Variants in CDH15 observed in about 807,000 individuals in gnomAD.
CDH15 encodes cadherin-15.
In CDH15, 73 loss-of-function variants were observed where a neutral mutation model predicts 69.4. The observed-to-expected ratio is 1.05, with a 90% CI of 0.87 to 1.28. CDH15 has a LOEUF of 1.28. Among genes scored for constraint, CDH15 ranks in the 50% most tolerant of loss-of-function variants. CDH15 has a pLI of 0.00. For missense variants in CDH15, 1,343 were observed against 1,133.6 expected (o/e 1.18, Z -2.65); for synonymous variants, 624 against 507.7 (o/e 1.23, Z -3.08).
At position 89,191,818 on chromosome 16, in the gene CDH15, CG is replaced by C; in HGVS notation, c.1543del (p.Ala515ProfsTer7). On this transcript the variant is annotated frameshift_variant, in exon 10 of 14. Transcript: ENST00000289746. LOFTEE classifies it high-confidence loss of function. The part of the protein sequence containing the change: ...GATDEDLPPH[G>X]APFHFQLSPR... ...CCACGGATGAGGACCTGCCCCCCCA[CG>C]GGGCCCCCTTCCACTTCCAGCTGAG... 1 of 1,604,538 alleles carries C rather than the reference CG, an allele frequency of 6.2e-7. No individual in the cohort carries two copies.
At chr16:89,180,475 C>A in intron 3 of CDH15, 120 bp downstream of exon 3, 1 of 1,153,720 alleles carries the variant, frequency 8.7e-7, no homozygotes, top group Non-Finnish European at 1.3e-6. Flanking sequence ...ACTGCAAGAT[C>A]CAGGCACCCT....
At chr16:89,184,826 C>T (rs1915447554) in intron 4 of CDH15, among the ~76,000 whole-genome samples, 1 of 152,222 alleles carries the variant, frequency 6.6e-6, no homozygotes, top group African/African-American at 2.4e-5. Context: ...CCCTTAGCCC[C>T]TGCACTGGGC....
intron 1 of CDH15, among the ~76,000 whole-genome samples, chr16:89,173,643 A>T (rs1001250534): frequency 4.6e-5 from 7 of 152,172 alleles, no homozygotes; most frequent in African/African-American, 1.4e-4. Flanking sequence ...CAGGACTGTG[A>T]GCTCTCCTGG....
chr16:89,194,592 C>T (rs905911651), intron 13 of CDH15, among the ~76,000 whole-genome samples: 4 of 152,122 alleles, frequency 2.6e-5, no homozygotes, highest in Non-Finnish European at 4.4e-5. Context: ...GCAACCCCTT[C>T]CCACCTTGCT....
intron 1 of CDH15, among the ~76,000 whole-genome samples, chr16:89,176,013 C>A (rs1338924153): frequency 1.3e-5 from 2 of 152,232 alleles, no homozygotes; most frequent in African/African-American, 2.4e-5. Flanking sequence ...GCGAGAGGCC[C>A]CAGTGCCCCA....
chr16:89,181,427 C>G (rs1179255540), intron 3 of CDH15, among the ~76,000 whole-genome samples: 6 of 151,776 alleles, frequency 4.0e-5, no homozygotes, highest in Admixed American at 3.9e-4. Flanking sequence ...GGCTGGGCAT[C>G]AAAGTGAGGC....
chr16:89,191,851 GC>G lies in CDH15; in HGVS notation c.1573del (p.Leu525SerfsTer15). 2.5e-6 allele frequency: 4 copies of G among 1,599,266 alleles called. No individual in the cohort carries two copies. Among genetic ancestry groups the G allele is most frequent in the Non-Finnish European group, 3.4e-6 (4 of 1,177,598 alleles). On this transcript the variant is annotated frameshift_variant, in exon 10 of 14. Coordinates refer to ENST00000289746, the MANE Select transcript of CDH15 (RefSeq NM_004933.3). LOFTEE classifies it high-confidence loss of function. ...APFHFQLSPR[L>X]PELGRNWSLS... ...CCTTCCACTTCCAGCTGAGCCCCAG[GC>G]TCCCAGAGCTCGGCCGGAACTGGAG...
chr16:89,187,392 G>A, intron 5 of CDH15, 37 bp from the exon 6 acceptor site: 1 of 1,610,136 alleles, frequency 6.2e-7, no homozygotes, highest in Non-Finnish European at 8.5e-7. Flanking sequence ...GCCCCACCTG[G>A]GCCCTCATCT....
intron 1 of CDH15, among the ~76,000 whole-genome samples, chr16:89,175,993 C>T (rs1915248038): frequency 6.6e-6 from 1 of 152,376 alleles, no homozygotes; most frequent in Non-Finnish European, 1.5e-5. Context: ...GGGCACAGGA[C>T]ACAGTCAGAG....
At chr16:89,179,828 C>T (rs929108010) in intron 2 of CDH15, among the ~76,000 whole-genome samples, 6 of 152,236 alleles carry the variant, frequency 3.9e-5, no homozygotes, top group African/African-American at 9.6e-5. Context: ...GGTGGACATA[C>T]TCCACGTTAG....
At chr16:89,178,233 G>C (rs958353043) in intron 1 of CDH15, among the ~76,000 whole-genome samples, 5 of 152,096 alleles carry the variant, frequency 3.3e-5, no homozygotes, top group Non-Finnish European at 7.4e-5. Context: ...TCCACTTTGG[G>C]GTCTTTACCG....
intron 1 of CDH15, among the ~76,000 whole-genome samples, chr16:89,174,403 C>T (rs1915216543): frequency 6.6e-6 from 1 of 152,214 alleles, no homozygotes; most frequent in Non-Finnish European, 1.5e-5. Flanking sequence ...TCGTAGCACC[C>T]TTCCTTGGAA....
intron 13 of CDH15, 103 bp from the exon 14 acceptor site, chr16:89,194,757 TCC>T: frequency 8.4e-7 from 1 of 1,189,490 alleles, no homozygotes; most frequent in Admixed American, 2.0e-5. Flanking sequence ...AGCTTCCCCT[TCC>T]TGAGCCCGTG....
At chr16:89,175,318 T>C (rs1254315333) in intron 1 of CDH15, among the ~76,000 whole-genome samples, 6 of 152,158 alleles carry the variant, frequency 3.9e-5, no homozygotes, top group Non-Finnish European at 8.8e-5. Flanking sequence ...CTCAGCCGTG[T>C]GGGGTTCCTA....
chr16:89,193,688 T>G (rs1023161707), intron 12 of CDH15, 67 bp from the exon 13 acceptor site: 25 of 1,573,584 alleles, frequency 1.6e-5, no homozygotes, highest in Non-Finnish European at 2.2e-5. Flanking sequence ...GCCAGGAGCC[T>G]GTACCTGAGA....
intron 8 of CDH15, 35 bp downstream of exon 8, chr16:89,190,531 G>A: frequency 6.4e-7 from 1 of 1,566,882 alleles, no homozygotes; most frequent in South Asian, 1.2e-5. Flanking sequence ...AGGTAGAGGA[G>A]GCTAACGGCC....
chr16:89,190,630 G>C (rs1052229422), intron 8 of CDH15, 134 bp downstream of exon 8: 3 of 1,164,602 alleles, frequency 2.6e-6, no homozygotes, highest in African/African-American at 3.0e-5. Context: ...TGAAGGTCTG[G>C]AGGGTCTCGA....
intron 7 of CDH15, among the ~76,000 whole-genome samples, chr16:89,189,233 A>G (rs1915580659): frequency 6.7e-6 from 1 of 148,594 alleles, no homozygotes; most frequent in Non-Finnish European, 1.5e-5. Context: ...GCCCACACAC[A>G]GATGCTGGCA....
In CDH15 at chr16:89,194,954, G is replaced by A. The variant is rs759351343; in HGVS notation, c.2244G>A (p.Thr748=). The change falls in exon 14 of 14, where the codon ACG becomes ACA. Residue 748 remains threonine (T), a synonymous_variant. Transcript: ENST00000289746. ...AGGGTGACGGCTCGGTGGCGGGGAC[G>A]CTGAGCTCCATCCTGTCCAGCCAGG... is the stretch of plus-strand genomic sequence containing the variant. ...DYEGDGSVAG[T]LSSILSSQGD... 2.0e-5 allele frequency: 32 copies of A among 1,609,322 alleles called. No homozygotes were observed. Among genetic ancestry groups the A allele is most frequent in the East Asian group, 4.5e-5 (2 of 44,786 alleles).
Sources: allele counts gnomAD v4.1 joint callset (sites outside exome capture counted in the v4.1 genomes callset), GRCh38; gene constraint gnomAD v4.1.1; transcripts MANE v1.5; gene names NCBI Gene and HGNC (gene_info 2026-07-23, HGNC 2026-07-21).